Variants in XYLT1 observed in about 807,000 individuals in gnomAD.
The protein encoded by XYLT1 is beta-D-xylosyltransferase 1.
A neutral mutation model predicts 91.3 loss-of-function variants in XYLT1; 36 were observed. The observed-to-expected ratio is 0.39, with a 90% CI of 0.30 to 0.52. The LOEUF (loss-of-function observed/expected upper bound fraction) is 0.52, where lower values mean the gene tolerates loss of function less well. XYLT1 is among the 20% of genes least tolerant of loss of function. The pLI is 0.68. For synonymous variants in XYLT1, 588 were observed against 532.0 expected (o/e 1.11, Z -1.45); for missense variants, 1,242 against 1,284.5 (o/e 0.97, Z 0.51).
At chr16:17,321,342 CTTTTTTTTTTTTTTTTTTTTT>C (rs10606202) in intron 2 of XYLT1, among the ~76,000 whole-genome samples, 4 of 43,582 alleles carry the variant, frequency 9.2e-5, no homozygotes, top group African/African-American at 3.3e-4. Flanking sequence ...ACTAACTAGC[CTTTTTTTTTTTTTTTTTTTTT>C]TTTTTTTTTT....
At chr16:17,376,100 G>A (rs2035597507) in intron 1 of XYLT1, among the ~76,000 whole-genome samples, 1 of 152,252 alleles carries the variant, frequency 6.6e-6, no homozygotes, top group Admixed American at 6.5e-5. Context: ...GGGCTTAGAG[G>A]GGCCCATCCC....
chr16:17,254,996 CTTTTT>C (rs34553607), intron 3 of XYLT1, among the ~76,000 whole-genome samples: 3 of 113,352 alleles, frequency 2.6e-5, no homozygotes, highest in African/African-American at 1.1e-4. Context: ...TTTTCTTTTT[CTTTTT>C]TTTTTTTTTT....
rs927561984 is a variant in XYLT1, at chr16:17,360,740, C to G, written c.364-2690G>C. ...ATTGGAAAGGCTAACGAAGTGGAAC[C>G]AGGTCAATGATGCTGTCTGCCTAAT... On this transcript the variant is annotated intron_variant, in intron 1 of 11. Transcript: ENST00000261381. Among the ~76,000 whole-genome samples, 3 of 152,196 alleles carry G rather than the reference C, an allele frequency of 2.0e-5. No individual in the cohort carries two copies. In the East Asian group the frequency reaches 5.8e-4, roughly 29 times the overall value.
chr16:17,389,974 G>A (rs781200870), intron 1 of XYLT1, among the ~76,000 whole-genome samples: 47 of 152,252 alleles, frequency 3.1e-4, no homozygotes, highest in African/African-American at 9.4e-4. Flanking sequence ...GATTCAGGTC[G>A]TGCCCTGTAC....
At chr16:17,418,974 G>A (rs1228020981) in intron 1 of XYLT1, among the ~76,000 whole-genome samples, 1 of 152,046 alleles carries the variant, frequency 6.6e-6, no homozygotes, top group African/African-American at 2.4e-5. Flanking sequence ...AAATGAATGG[G>A]TATAGCTGTG....
At chr16:17,158,212 C>G (rs1018094205) in intron 6 of XYLT1, among the ~76,000 whole-genome samples, 3 of 152,082 alleles carry the variant, frequency 2.0e-5, no homozygotes, top group Non-Finnish European at 2.9e-5. Context: ...TCATTTTAAG[C>G]GAGAGAGGTG....
chr16:17,274,278 T>C (rs1348258430), intron 2 of XYLT1, among the ~76,000 whole-genome samples: 2 of 152,208 alleles, frequency 1.3e-5, no homozygotes, highest in African/African-American at 4.8e-5. Flanking sequence ...AGTCTATTGA[T>C]CTTTTTTAGA....
intron 1 of XYLT1, among the ~76,000 whole-genome samples, chr16:17,392,304 C>T (rs931914206): frequency 6.6e-6 from 1 of 152,184 alleles, no homozygotes; most frequent in Non-Finnish European, 1.5e-5. Flanking sequence ...AGGCCATTTC[C>T]CTCTGCCTGG....
At chr16:17,153,422 G>C (rs531323704) in intron 6 of XYLT1, among the ~76,000 whole-genome samples, 2 of 152,224 alleles carry the variant, frequency 1.3e-5, no homozygotes, top group African/African-American at 4.8e-5. Context: ...TTAATATTCT[G>C]CTCTAAGCCA....
chr16:17,327,251 G>T (rs994528579), intron 2 of XYLT1, among the ~76,000 whole-genome samples: 1 of 151,758 alleles, frequency 6.6e-6, no homozygotes, highest in South Asian at 2.1e-4. Flanking sequence ...GGCCAAGCAT[G>T]TATATTTAAG....
intron 10 of XYLT1, 98 bp from the exon 11 acceptor site, chr16:17,118,077 AT>A: frequency 2.4e-6 from 3 of 1,250,296 alleles, no homozygotes; most frequent in Non-Finnish European, 3.3e-6. Flanking sequence ...TCATATACCC[AT>A]TTTACAGATG....
Position 17,198,430 on chromosome 16 carries a change from A to G in XYLT1, c.1087-16T>C. ...AATTAGAGCGCTTTTCCCAGGAGAG[A>G]AAGGGTGATGACAGTCAGTGGCCTA... On this transcript the variant is annotated splice_polypyrimidine_tract_variant and intron_variant, in intron 4 of 11. Transcript: ENST00000261381. The G allele has an allele frequency of 6.2e-7, 1 of 1,612,474 alleles. No individual in the cohort carries two copies. Among genetic ancestry groups the G allele is most frequent in the Non-Finnish European group, 8.5e-7 (1 of 1,179,076 alleles).
At chr16:17,270,877 A>G (rs1021158657) in intron 2 of XYLT1, among the ~76,000 whole-genome samples, 2 of 152,140 alleles carry the variant, frequency 1.3e-5, no homozygotes, top group African/African-American at 4.8e-5. Context: ...AAAAGCCAAC[A>G]TCTGGCTCTC....
chr16:17,273,669 C>A (rs910866684), intron 2 of XYLT1, among the ~76,000 whole-genome samples: 1 of 151,942 alleles, frequency 6.6e-6, no homozygotes, highest in African/African-American at 2.4e-5. Flanking sequence ...CATGATGAAA[C>A]CCTGTCTCTA....
chr16:17,351,717 C>T (rs7190200), intron 2 of XYLT1, among the ~76,000 whole-genome samples: 3,268 of 147,686 alleles, frequency 0.022, 115 homozygotes, highest in African/African-American at 0.081. Flanking sequence ...GTTTCCTAAC[C>T]TTGCCACTAC....
chr16:17,255,894 G>A (rs2033622867), intron 3 of XYLT1, among the ~76,000 whole-genome samples: 1 of 152,120 alleles, frequency 6.6e-6, no homozygotes, highest in South Asian at 2.1e-4. Flanking sequence ...TGTAATCTCA[G>A]CTACTCGGGA....
intron 2 of XYLT1, among the ~76,000 whole-genome samples, chr16:17,321,995 A>C (rs1449094289): frequency 6.6e-6 from 1 of 152,166 alleles, no homozygotes; most frequent in Admixed American, 6.5e-5. Flanking sequence ...CTGAGTTTCA[A>C]CACCAAACAC....
intron 3 of XYLT1, among the ~76,000 whole-genome samples, chr16:17,234,577 T>A (rs2033216842): frequency 6.6e-6 from 1 of 151,306 alleles, no homozygotes; most frequent in Non-Finnish European, 1.5e-5. Flanking sequence ...AACAGCTCAT[T>A]GACTACTCTT....
chr16:17,313,887 G>A (rs1249071925), intron 2 of XYLT1, among the ~76,000 whole-genome samples: 2 of 152,106 alleles, frequency 1.3e-5, no homozygotes, highest in Admixed American at 1.3e-4. Context: ...ATGGGAATAA[G>A]GGGATATAAT....
Sources: gnomAD v4.1 joint callset for allele counts (sites outside exome capture counted in the v4.1 genomes callset) on GRCh38, gnomAD v4.1.1 for gene constraint, MANE v1.5 for transcripts, NCBI Gene and HGNC (gene_info 2026-07-23, HGNC 2026-07-21) for gene names.